The following GRIA1 variants were observed in gnomAD, a reference collection of about 807,000 sequenced individuals.
The protein encoded by GRIA1 is glutamate receptor 1.
Under a neutral mutation model 99.2 loss-of-function variants are expected in GRIA1, and 31 were observed. The observed-to-expected ratio is 0.31, with a 90% CI of 0.23 to 0.42. GRIA1 has a LOEUF of 0.42. Ranked by LOEUF, GRIA1 falls within the 10% of genes least tolerant of loss-of-function variation. The probability of loss-of-function intolerance (pLI) is 1.00; values close to 1 mark genes in which losing one functional copy is unlikely to be tolerated. For synonymous variants in GRIA1, 438 were observed against 432.4 expected, an observed-to-expected ratio of 1.01 and a Z score of -0.16; for missense variants, 782 against 1,157.5, an observed-to-expected ratio of 0.68 and a Z score of 4.71.
In GRIA1 at chr5:153,770,132, C is replaced by T. The variant is rs975533934; in HGVS notation, c.2023-36C>T. ...TGTGTGCACCGACCCCAATTCCAAG[C>T]GCACTTAATTCCAGCTTTGTTTCTG... On this transcript the variant is annotated intron_variant, in intron 12 of 15. Coordinates refer to ENST00000285900, the MANE Select transcript of GRIA1 (RefSeq NM_000827.4). The T allele has an allele frequency of 4.4e-6, 7 of 1,606,790 alleles. No homozygotes were observed. The South Asian group carries it at 5.5e-5, about 13-fold the overall frequency.
At chr5:153,535,322 A>G (rs938763537) in intron 2 of GRIA1, among the ~76,000 whole-genome samples, 1 of 152,198 alleles carries the variant, frequency 6.6e-6, no homozygotes, top group Admixed American at 6.5e-5. Flanking sequence ...GACTAATGCT[A>G]TTTACCCACC....
chr5:153,570,498 G>A (rs1042119013), intron 2 of GRIA1, among the ~76,000 whole-genome samples: 1 of 152,078 alleles, frequency 6.6e-6, no homozygotes, highest in African/African-American at 2.4e-5. Flanking sequence ...TAAAGGCTAG[G>A]CTTTTGAGGT....
intron 2 of GRIA1, among the ~76,000 whole-genome samples, chr5:153,629,278 G>T (rs1027124926): frequency 2.9e-4 from 44 of 152,094 alleles, no homozygotes; most frequent in African/African-American, 9.9e-4. Context: ...CTTCCACAAG[G>T]CATCCTCAGC....
chr5:153,583,743 A>T (rs903643656), intron 2 of GRIA1, among the ~76,000 whole-genome samples: 7 of 152,082 alleles, frequency 4.6e-5, no homozygotes, highest in Non-Finnish European at 8.8e-5. Context: ...TGTATTTTTT[A>T]AAAAAACTCC....
intron 2 of GRIA1, among the ~76,000 whole-genome samples, chr5:153,512,683 C>A (rs2113321056): frequency 6.6e-6 from 1 of 152,306 alleles, no homozygotes; most frequent in East Asian, 1.9e-4. Flanking sequence ...TGACCCAGTG[C>A]CTGTGATACC....
intron 2 of GRIA1, among the ~76,000 whole-genome samples, chr5:153,515,946 A>T (rs1412821204): frequency 6.6e-6 from 1 of 152,066 alleles, no homozygotes; most frequent in Non-Finnish European, 1.5e-5. Context: ...CTAGGCTGGG[A>T]GTGGTGGCTC....
intron 2 of GRIA1, among the ~76,000 whole-genome samples, chr5:153,640,090 C>T (rs972558442): frequency 8.5e-5 from 13 of 152,156 alleles, no homozygotes; most frequent in South Asian, 4.2e-4. Context: ...TGCCCTGGCC[C>T]CCTGCCCTTG....
intron 13 of GRIA1, among the ~76,000 whole-genome samples, chr5:153,788,187 C>T (rs188602264): frequency 7.2e-5 from 11 of 152,268 alleles, no homozygotes; most frequent in Admixed American, 2.0e-4. Context: ...CCTCAGTCTA[C>T]ACAATCTCAA....
intron 11 of GRIA1, among the ~76,000 whole-genome samples, chr5:153,754,181 C>T (rs1762672134): frequency 6.6e-6 from 1 of 152,190 alleles, no homozygotes; most frequent in African/African-American, 2.4e-5. Context: ...TAGTATGGAG[C>T]TGGGAAAATG....
intron 2 of GRIA1, among the ~76,000 whole-genome samples, chr5:153,609,909 G>A (rs17520467): frequency 1.1e-3 from 160 of 152,064 alleles, no homozygotes; most frequent in Non-Finnish European, 2.0e-3. Flanking sequence ...GATCATCCTA[G>A]GTTTCTTTCC....
At chr5:153,627,838 G>C (rs11746196) in intron 2 of GRIA1, among the ~76,000 whole-genome samples, 12,185 of 152,262 alleles carry the variant, frequency 0.08, 594 homozygotes, top group Non-Finnish European at 0.11. Flanking sequence ...CGGTAGACCA[G>C]AGACAACAGA....
chr5:153,505,302 G>A (rs529587372), intron 2 of GRIA1, among the ~76,000 whole-genome samples: 2 of 152,224 alleles, frequency 1.3e-5, no homozygotes, highest in East Asian at 3.9e-4. Context: ...GAGCATCGTG[G>A]TAGATGAGAT....
chr5:153,740,966 C>CTTTTT (rs10601141), intron 11 of GRIA1, among the ~76,000 whole-genome samples: 60 of 76,822 alleles, frequency 7.8e-4, no homozygotes, highest in Non-Finnish European at 9.6e-4. Context: ...AAGAAATTGG[C>CTTTTT]TTTTTTTTTT....
At chr5:153,597,428 G>C (rs906846037) in intron 2 of GRIA1, among the ~76,000 whole-genome samples, 1 of 152,098 alleles carries the variant, frequency 6.6e-6, no homozygotes, top group Non-Finnish European at 1.5e-5. Flanking sequence ...AGGTTCTATA[G>C]GCAGACTGCC....
chr5:153,624,426 C>T (rs1272849927), intron 2 of GRIA1, among the ~76,000 whole-genome samples: 2 of 152,172 alleles, frequency 1.3e-5, no homozygotes, highest in Non-Finnish European at 2.9e-5. Flanking sequence ...CTCTATCACC[C>T]CACCCACCTG....
At position 153,811,333 on chromosome 5, in the gene GRIA1, C is replaced by A. The variant is rs1486904844; in HGVS notation, c.*108C>A. On this transcript the variant is annotated 3_prime_UTR_variant, in exon 16 of 16. Transcript: ENST00000285900. Reference sequence around the variant, plus strand: ...AAAATGAAACGCAACCACCACCAACCACTGCGACCACAAGAAGGATGATTC... The same window carrying A: ...AAAATGAAACGCAACCACCACCAACAACTGCGACCACAAGAAGGATGATTC... 3 of 710,064 alleles carry A rather than the reference C, an allele frequency of 4.2e-6. No individual in the cohort carries two copies. The highest frequency in any genetic ancestry group is 3.6e-5 in the African/African-American group (2 of 56,102). 44.0% of individuals were successfully genotyped at this position (710,064 alleles called of 1,614,324 possible). A position where few individuals can be genotyped will look rare whatever the true frequency, so the allele number is the denominator to read the frequency against.
chr5:153,624,344 G>T (rs11747659), intron 2 of GRIA1, among the ~76,000 whole-genome samples: 33,722 of 152,080 alleles, frequency 0.22, 4,287 homozygotes, highest in Non-Finnish European at 0.29. Context: ...GGCTCACCTT[G>T]GGTTGAGGGT....
At chr5:153,493,794 C>A in intron 1 of GRIA1, 134 bp from the exon 2 acceptor site, 1 of 854,658 alleles carries the variant, frequency 1.2e-6, no homozygotes, top group Non-Finnish European at 1.8e-6. Context: ...TATTTGAACT[C>A]TCATCTCTAC....
chr5:153,706,201 T>G, intron 11 of GRIA1, 134 bp downstream of exon 11: 2 of 870,582 alleles, frequency 2.3e-6, no homozygotes, highest in East Asian at 2.6e-5. Context: ...TCAACTATTC[T>G]TTACAATCAA....
Sources: gnomAD v4.1 joint callset for allele counts (sites outside exome capture counted in the v4.1 genomes callset) on GRCh38, gnomAD v4.1.1 for gene constraint, MANE v1.5 for transcripts, NCBI Gene and HGNC (gene_info 2026-07-23, HGNC 2026-07-21) for gene names.